Variants in PITPNC1 observed in about 807,000 individuals in gnomAD.
PITPNC1 encodes cytoplasmic phosphatidylinositol transfer protein 1.
In PITPNC1, 18 loss-of-function variants were observed where a neutral mutation model predicts 44.7. The ratio of observed to expected loss-of-function variants is 0.40; its 90% confidence interval spans 0.28 to 0.60. The LOEUF (loss-of-function observed/expected upper bound fraction) is 0.60. PITPNC1 is among the 20% of genes least tolerant of loss of function. PITPNC1 has a pLI of 0.39. For missense variants in PITPNC1, 290 were observed against 418.4 expected (o/e 0.69, Z 2.68); for synonymous variants, 141 against 149.6 (o/e 0.94, Z 0.42).
chr17:67,538,828 C>G (rs1321458780), intron 2 of PITPNC1, among the ~76,000 whole-genome samples: 1 of 151,036 alleles, frequency 6.6e-6, no homozygotes, highest in Non-Finnish European at 1.5e-5. Context: ...CAAAAAAAAC[C>G]TTTGCATAGT....
intron 1 of PITPNC1, among the ~76,000 whole-genome samples, chr17:67,467,054 ATTTTTTT>A (rs10623552): frequency 3.1e-5 from 3 of 95,342 alleles, no homozygotes; most frequent in African/African-American, 3.9e-5. Flanking sequence ...CAGTTAGGAG[ATTTTTTT>A]TTTTTTTTTT....
At chr17:67,478,773 C>T (rs1405371100) in intron 1 of PITPNC1, among the ~76,000 whole-genome samples, 2 of 152,068 alleles carry the variant, frequency 1.3e-5, no homozygotes, top group Admixed American at 6.6e-5. Context: ...GCTAATTATA[C>T]GCACAGAAGC....
At position 67,692,983 on chromosome 17, in the gene PITPNC1, C is replaced by T; in HGVS notation, c.*95C>T. On this transcript the variant is annotated 3_prime_UTR_variant, in exon 9 of 9. Coordinates refer to ENST00000581322, the MANE Select transcript of PITPNC1 (RefSeq NM_012417.4). ...GATAGAGAAAAAGACTGCTTTGTCACTCAAACATGTTCCTTCGACCTTTCA... is the reference window on the plus strand; with the variant it reads ...GATAGAGAAAAAGACTGCTTTGTCATTCAAACATGTTCCTTCGACCTTTCA... 1.2e-6 allele frequency: 1 copy of T among 800,520 alleles called. No individual in the cohort carries two copies. Among genetic ancestry groups the T allele is most frequent in the Non-Finnish European group, 2.0e-6 (1 of 490,988 alleles). The allele number at this position is 800,520 out of a possible 1,614,324, so 49.6% of individuals were successfully genotyped here. A position where few individuals can be genotyped will look rare whatever the true frequency, so the allele number is the denominator to read the frequency against.
intron 1 of PITPNC1, among the ~76,000 whole-genome samples, chr17:67,523,506 T>TC (rs2040354584): frequency 1.4e-5 from 2 of 144,224 alleles, no homozygotes; most frequent in African/African-American, 5.2e-5. Flanking sequence ...TTTTTTTTTT[T>TC]CTCACTTGAT....
In PITPNC1 at chr17:67,443,287, A is replaced by G. The variant is rs80018015; in HGVS notation, c.48+65085A>G. 2.7e-3 allele frequency among the ~76,000 whole-genome samples: 416 copies of G among 152,050 alleles called. 5 individuals are homozygous for G. Among genetic ancestry groups the G allele is most frequent in the African/African-American group, 9.6e-3 (398 of 41,492 alleles). ...ATTGTGTCTCCAAGCCCCTTCACCT[A>G]AAATATTCCTGTTAGCTCTCAAGTT... is the stretch of plus-strand genomic sequence containing the variant. On this transcript the variant is annotated intron_variant, in intron 1 of 8. Transcript: ENST00000581322.
chr17:67,665,580 G>T (rs941044758), intron 6 of PITPNC1, among the ~76,000 whole-genome samples: 2 of 152,122 alleles, frequency 1.3e-5, no homozygotes, highest in Admixed American at 1.3e-4. Flanking sequence ...CCCTATCTTT[G>T]CCAATGCTTG....
chr17:67,673,623 C>G (rs1769373624), intron 7 of PITPNC1, among the ~76,000 whole-genome samples: 1 of 152,038 alleles, frequency 6.6e-6, no homozygotes, highest in Non-Finnish European at 1.5e-5. Flanking sequence ...AGGATATTTA[C>G]TTATCTTGTA....
chr17:67,692,154 C>A (rs1022220692), intron 8 of PITPNC1, among the ~76,000 whole-genome samples: 6 of 152,036 alleles, frequency 3.9e-5, no homozygotes, highest in South Asian at 2.1e-4. Context: ...GTTTTAATTA[C>A]CTTCTCTTTA....
At chr17:67,498,832 A>G (rs73348002) in intron 1 of PITPNC1, among the ~76,000 whole-genome samples, 19,043 of 148,430 alleles carry the variant, frequency 0.13, 1,466 homozygotes, top group African/African-American at 0.23. Context: ...TCATGTACTC[A>G]CTAGTCACTT....
intron 1 of PITPNC1, among the ~76,000 whole-genome samples, chr17:67,499,514 G>C (rs1180474685): frequency 6.6e-6 from 1 of 152,200 alleles, no homozygotes; most frequent in Admixed American, 6.5e-5. Context: ...ACTGTGCCCG[G>C]CCAGCCTGAG....
intron 1 of PITPNC1, among the ~76,000 whole-genome samples, chr17:67,409,976 C>A (rs1169683385): frequency 6.6e-6 from 1 of 152,206 alleles, no homozygotes; most frequent in Non-Finnish European, 1.5e-5. Context: ...TCTGAACTCA[C>A]TTGAACGTGC....
intron 6 of PITPNC1, among the ~76,000 whole-genome samples, chr17:67,655,558 C>CACA (rs2042255116): frequency 2.4e-5 from 1 of 42,076 alleles, no homozygotes; most frequent in African/African-American, 7.8e-5. Context: ...AGACTCATCT[C>CACA]AAAAAAAAAA....
intron 1 of PITPNC1, among the ~76,000 whole-genome samples, chr17:67,474,912 C>A (rs2039604984): frequency 6.6e-6 from 1 of 152,124 alleles, no homozygotes; most frequent in Admixed American, 6.5e-5. Context: ...CCTCAGCCTC[C>A]CAAAGTGTTG....
intron 1 of PITPNC1, chr17:67,457,862 C>T (rs962011049): frequency 1.5e-4 from 23 of 152,302 alleles, no homozygotes; most frequent in African/African-American, 5.1e-4. Context: ...TGTTGCTTCT[C>T]CTTCACTGGG....
In PITPNC1 at chr17:67,468,560, C is replaced by T. The variant is rs1410431959; in HGVS notation, c.49-64242C>T. ...GGGACTACTGGTGCCCACCACCACG[C>T]CCAGCTAAATTTTTTTGTAGTTTTA... On this transcript the variant is annotated intron_variant, in intron 1 of 8. Transcript: ENST00000581322. Among the ~76,000 whole-genome samples the T allele has an allele frequency of 6.6e-5, 10 of 150,708 alleles. No homozygotes were observed. The South Asian group carries it at 1.7e-3, about 25-fold the overall frequency.
chr17:67,682,012 A>G (rs2042717999), intron 8 of PITPNC1, among the ~76,000 whole-genome samples: 2 of 152,216 alleles, frequency 1.3e-5, no homozygotes, highest in African/African-American at 4.8e-5. Context: ...AGCCTGGACA[A>G]CATGGTGAAA....
chr17:67,567,846 G>T (rs1459967910), intron 4 of PITPNC1, among the ~76,000 whole-genome samples: 1 of 152,082 alleles, frequency 6.6e-6, no homozygotes, highest in Non-Finnish European at 1.5e-5. Flanking sequence ...GGTGGCAGGT[G>T]CCTGTAATCC....
chr17:67,435,058 G>C (rs1436566550), intron 1 of PITPNC1, among the ~76,000 whole-genome samples: 1 of 143,710 alleles, frequency 7.0e-6, no homozygotes, highest in Non-Finnish European at 1.5e-5. Context: ...GCAGTGAGCT[G>C]AGATCACGCC....
chr17:67,404,837 C>T (rs976088932), intron 1 of PITPNC1, among the ~76,000 whole-genome samples: 1 of 152,028 alleles, frequency 6.6e-6, no homozygotes. Flanking sequence ...TTATGGGTTG[C>T]TTGTAGGATT....
Sources: allele counts gnomAD v4.1 joint callset (sites outside exome capture counted in the v4.1 genomes callset), GRCh38; gene constraint gnomAD v4.1.1; transcripts MANE v1.5; gene names NCBI Gene and HGNC (gene_info 2026-07-23, HGNC 2026-07-21).